WDR1: variants seen among roughly 807,000 people sequenced by gnomAD.
The protein encoded by WDR1 is WD repeat domain 1.
A neutral mutation model predicts 71.9 loss-of-function variants in WDR1; 21 were observed. The observed-to-expected ratio is 0.29, with a 90% CI of 0.21 to 0.42. WDR1 has a LOEUF of 0.42. WDR1 is among the 10% of genes least tolerant of loss of function. WDR1 has a pLI of 1.00. For synonymous variants in WDR1, 424 were observed against 347.4 expected, an observed-to-expected ratio of 1.22 and a Z score of -2.45; for missense variants, 696 against 824.5, an observed-to-expected ratio of 0.84 and a Z score of 1.91.
rs1418956929 is a variant in WDR1, at chr4:10,074,619, C to G, written c.*759G>C. 1.3e-5 allele frequency: 2 copies of G among 152,628 alleles called. No individual in the cohort carries two copies. The highest frequency in any genetic ancestry group is 3.8e-4 in the East Asian group (2 of 5,200). The allele number at this position is 152,628 out of a possible 1,614,324, so 9.5% of individuals were successfully genotyped here. ...AGCAGAAGAGGGAAAGACAGGGGAA[C>G]ATCAAAGCATGATGGTGAAACGGTG... On this transcript the variant is annotated 3_prime_UTR_variant, in exon 15 of 15. Coordinates refer to ENST00000499869, the MANE Select transcript of WDR1 (RefSeq NM_017491.5).
At position 10,102,657 on chromosome 4, in the gene WDR1, G is replaced by A. The variant is rs886229526; in HGVS notation, c.229+1239C>T. Among the ~76,000 whole-genome samples the A allele has an allele frequency of 7.9e-5, 12 of 152,214 alleles. 1 individual carries two copies. Among genetic ancestry groups the A allele is most frequent in the Non-Finnish European group, 1.3e-4 (9 of 68,044 alleles). ...TTACCCAGCCTGTGAGCACAAAGCA[G>A]AGTAAGACAGAGCCGAACCCAGGTC... On this transcript the variant is annotated intron_variant, in intron 3 of 14. Transcript: ENST00000499869.
chr4:10,116,572 C>T (rs1049862136), intron 1 of WDR1, 79 bp downstream of exon 1: 1 of 1,085,488 alleles, frequency 9.2e-7, no homozygotes, highest in Non-Finnish European at 1.1e-6. Flanking sequence ...CCCCCGCCAC[C>T]CGCACGGCGC....
intron 1 of WDR1, 27 bp downstream of exon 1, chr4:10,116,615 GGCGGCCGCT>G: frequency 8.3e-7 from 1 of 1,207,946 alleles, no homozygotes; most frequent in Middle Eastern, 3.2e-4. Context: ...GGGGCAGCGC[GGCGGCCGCT>G]CGGGGGCCCC....
chr4:10,077,467 C>T lies in WDR1; in HGVS notation c.1570-19G>A, dbSNP rs575129785. 2 of 1,613,840 alleles carry T rather than the reference C, an allele frequency of 1.2e-6. No individual in the cohort carries two copies. The highest frequency in any genetic ancestry group is 2.7e-5 in the African/African-American group (2 of 75,040). On this transcript the variant is annotated intron_variant, in intron 13 of 14. Transcript: ENST00000499869. ...TGTTCTCCTAGTTGCAGGTTGAAAA[C>T]AAGAGAGGTGGCAGGTCAGGTTCAG...
intron 9 of WDR1, 140 bp from the exon 10 acceptor site, chr4:10,083,318 T>A: frequency 9.0e-7 from 1 of 1,106,824 alleles, no homozygotes; most frequent in African/African-American, 1.6e-5. Flanking sequence ...CTGGGAAGCC[T>A]GCAGTGTCCA....
rs1412270865 is a variant in WDR1 at position 10,116,754 on chromosome 4, G to C, written c.-88C>G. 8.9e-6 allele frequency: 11 copies of C among 1,238,960 alleles called. No homozygotes were observed. Among genetic ancestry groups the C allele is most frequent in the South Asian group, 2.7e-5 (1 of 36,618 alleles). The allele number at this position is 1,238,960 out of a possible 1,614,324, so 76.7% of individuals were successfully genotyped here. A position where few individuals can be genotyped will look rare whatever the true frequency, so the allele number is the denominator to read the frequency against. On this transcript the variant is annotated 5_prime_UTR_variant, in exon 1 of 15. Transcript: ENST00000499869. ...ATTACACCTCGCCGAGGCCGAGCCC[G>C]GGGACTGGAGCCGGAAGGCGGCACC...
intron 5 of WDR1, chr4:10,093,153 C>T: frequency 2.3e-6 from 3 of 1,289,356 alleles, no homozygotes; most frequent in Non-Finnish European, 3.0e-6. Context: ...GTCTCCAGCA[C>T]ACACATGCTC....
intron 9 of WDR1, chr4:10,083,487 C>T (rs1048911537): frequency 9.6e-5 from 50 of 521,120 alleles, no homozygotes; most frequent in Non-Finnish European, 3.4e-5. Context: ...GTAGGCGCAA[C>T]CCTCTAACCC....
chr4:10,114,272 T>C (rs905085319), intron 2 of WDR1, among the ~76,000 whole-genome samples: 12 of 152,142 alleles, frequency 7.9e-5, no homozygotes, highest in African/African-American at 2.4e-4. Flanking sequence ...GGGGAAGGGG[T>C]AAGAATACAG....
At chr4:10,092,920 G>T in intron 5 of WDR1, 1 of 536,758 alleles carries the variant, frequency 1.9e-6, no homozygotes, top group Non-Finnish European at 3.2e-6. Flanking sequence ...GACAACTGAC[G>T]GTGTCCGGTC....
intron 5 of WDR1, among the ~76,000 whole-genome samples, chr4:10,095,443 C>G (rs1712277253): frequency 6.6e-6 from 1 of 152,206 alleles, no homozygotes; most frequent in Admixed American, 6.5e-5. Flanking sequence ...GCTCAGCCCA[C>G]CATGTCCTCA....
intron 8 of WDR1, among the ~76,000 whole-genome samples, 157 bp downstream of exon 8, chr4:10,087,550 C>T (rs773452381): frequency 2.0e-5 from 3 of 152,256 alleles, no homozygotes; most frequent in Non-Finnish European, 4.4e-5. Flanking sequence ...AAGCAACCAG[C>T]ATCCCAGCCT....
rs1238065642 is a variant in WDR1 at position 10,077,935 on chromosome 4, G to C, written c.1396-9C>G. On this transcript the variant is annotated splice_polypyrimidine_tract_variant and intron_variant, in intron 12 of 14. Coordinates refer to ENST00000499869, the MANE Select transcript of WDR1 (RefSeq NM_017491.5). ...AGGCGGACGTTGCCGTCCTACGGCA[G>C]GGACAGAGAGGAAGTGAGCCACCCC... 1 of 1,595,352 alleles carries C rather than the reference G, an allele frequency of 6.3e-7. No individual in the cohort carries two copies. Among genetic ancestry groups the C allele is most frequent in the Non-Finnish European group, 8.6e-7 (1 of 1,169,030 alleles).
intron 3 of WDR1, among the ~76,000 whole-genome samples, chr4:10,099,415 A>G (rs1712556170): frequency 6.6e-6 from 1 of 152,274 alleles, no homozygotes. Context: ...AATCATCTGG[A>G]TAACAAACCC....
At chr4:10,102,413 G>C (rs1712732090) in intron 3 of WDR1, among the ~76,000 whole-genome samples, 1 of 152,216 alleles carries the variant, frequency 6.6e-6, no homozygotes, top group Non-Finnish European at 1.5e-5. Context: ...AGGCCAGGAG[G>C]GCTCTGCCCT....
chr4:10,093,244 G>C, intron 5 of WDR1: 1 of 914,838 alleles, frequency 1.1e-6, no homozygotes, highest in Non-Finnish European at 1.5e-6. Flanking sequence ...TACACAAGAG[G>C]ACCACAAGCC....
chr4:10,090,662 C>T (rs1461542754), intron 5 of WDR1, among the ~76,000 whole-genome samples: 1 of 152,222 alleles, frequency 6.6e-6, no homozygotes, highest in African/African-American at 2.4e-5. Context: ...CGGCTGGGGT[C>T]AGGCTGGACA....
chr4:10,108,770 T>G (rs1158975559), intron 2 of WDR1, among the ~76,000 whole-genome samples: 1 of 152,204 alleles, frequency 6.6e-6, no homozygotes, highest in Non-Finnish European at 1.5e-5. Context: ...TAATTATCTT[T>G]TAAGGCCCAG....
At position 10,097,797 on chromosome 4, in the gene WDR1, G is replaced by A. The variant is rs779839213; in HGVS notation, c.472C>T (p.Arg158Trp). Residue 158 changes from arginine (R) to tryptophan (W), a missense_variant, in exon 5 of 15, where the codon CGG becomes TGG. By Grantham distance (101) the Arg-to-Trp change is moderately radical. Transcript: ENST00000499869. ...CTTCCCGTGGCCAGCCGGTATGGCC[G>A]GCTCTGCTTGATGTCCACGCTGTTG... is the stretch of plus-strand genomic sequence containing the variant. ...VINSVDIKQS[R>W]PYRLATGSDD... The A allele has an allele frequency of 5.0e-6, 8 of 1,613,576 alleles. No individual in the cohort carries two copies. Among genetic ancestry groups the A allele is most frequent in the Non-Finnish European group, 6.8e-6 (8 of 1,179,846 alleles).
Sources: gnomAD v4.1 joint callset for allele counts (sites outside exome capture counted in the v4.1 genomes callset) on GRCh38, gnomAD v4.1.1 for gene constraint, MANE v1.5 for transcripts, NCBI Gene and HGNC (gene_info 2026-07-23, HGNC 2026-07-21) for gene names.